Variants in SERPINI2 observed in about 807,000 individuals in gnomAD.
The protein encoded by SERPINI2 is serpin family I member 2.
In SERPINI2, 48 loss-of-function variants were observed where a neutral mutation model predicts 47.3. The ratio of observed to expected loss-of-function variants is 1.02; its 90% CI spans 0.81 to 1.29. SERPINI2 has a LOEUF of 1.29. SERPINI2 is among the 50% of genes most tolerant of loss of function. SERPINI2 has a pLI of 0.00. For synonymous variants in SERPINI2, 135 were observed against 149.3 expected (o/e 0.90, Z 0.70); for missense variants, 448 against 456.9 (o/e 0.98, Z 0.18).
At chr3:167,448,831 T>A (rs149869399) in intron 7 of SERPINI2, among the ~76,000 whole-genome samples, 1 of 152,192 alleles carries the variant, frequency 6.6e-6, no homozygotes, top group Non-Finnish European at 1.5e-5. Context: ...TGACTGGGCA[T>A]AGGAGTTTTT....
intron 8 of SERPINI2, among the ~76,000 whole-genome samples, chr3:167,443,374 T>A (rs987558905): frequency 6.6e-6 from 1 of 152,250 alleles, no homozygotes; most frequent in African/African-American, 2.4e-5. Flanking sequence ...CCCAAAGTGC[T>A]GGGATTACAG....
At chr3:167,474,202 T>C (rs1750426864), upstream of SERPINI2, 1 of 798,482 alleles carries the variant, frequency 1.3e-6, no homozygotes, top group Non-Finnish European at 1.5e-6. Flanking sequence ...GATCAACTGA[T>C]GAAATGTGCA....
intron 5 of SERPINI2, among the ~76,000 whole-genome samples, chr3:167,458,931 T>A (rs1749895490): frequency 6.6e-6 from 1 of 152,198 alleles, no homozygotes. Context: ...GTTACTTGTT[T>A]ATTTACCTTA....
chr3:167,443,386 C>T (rs1436262828), intron 8 of SERPINI2, among the ~76,000 whole-genome samples: 3 of 152,202 alleles, frequency 2.0e-5, no homozygotes, highest in East Asian at 1.9e-4. Context: ...GGATTACAGG[C>T]GTGAGCCACC....
chr3:167,459,162 C>A (rs1008923204), intron 5 of SERPINI2, among the ~76,000 whole-genome samples: 1 of 151,050 alleles, frequency 6.6e-6, no homozygotes, highest in South Asian at 2.1e-4. Context: ...GCAAGCTCCG[C>A]CTCCCGGGTT....
chr3:167,471,481 C>T, intron 2 of SERPINI2, 107 bp downstream of exon 2: 1 of 1,109,262 alleles, frequency 9.0e-7, no homozygotes, highest in Non-Finnish European at 1.2e-6. Flanking sequence ...TTGTACTTTT[C>T]ATTACATTTT....
At chr3:167,461,035 T>C (rs779465562) in intron 5 of SERPINI2, among the ~76,000 whole-genome samples, 3 of 152,172 alleles carry the variant, frequency 2.0e-5, no homozygotes, top group Non-Finnish European at 4.4e-5. Flanking sequence ...TGAAGTGTTC[T>C]AGAAATATAG....
At chr3:167,476,386 A>T (rs969536771), upstream of SERPINI2, among the ~76,000 whole-genome samples, 12 of 151,938 alleles carry the variant, frequency 7.9e-5, no homozygotes, top group African/African-American at 2.9e-4. Flanking sequence ...AGTTACCTTG[A>T]AAGTCTCATA....
At chr3:167,473,687 C>T in intron 1 of SERPINI2, 1 of 990,212 alleles carries the variant, frequency 1.0e-6, no homozygotes, top group Non-Finnish European at 1.4e-6. Flanking sequence ...TTTCTAAGCA[C>T]TTAATAAATT....
intron 2 of SERPINI2, among the ~76,000 whole-genome samples, chr3:167,467,722 T>C (rs1577177860): frequency 6.6e-6 from 1 of 152,270 alleles, no homozygotes; most frequent in African/African-American, 2.4e-5. Flanking sequence ...AATATTACTT[T>C]TATTTCAGCT....
intron 7 of SERPINI2, among the ~76,000 whole-genome samples, chr3:167,448,519 T>C (rs546932738): frequency 2.6e-5 from 4 of 151,190 alleles, no homozygotes; most frequent in African/African-American, 9.7e-5. Context: ...GAGTTTTGTT[T>C]TGTTTTGTTT....
chr3:167,454,171 A>T (rs1431879167), intron 5 of SERPINI2, among the ~76,000 whole-genome samples: 1 of 152,228 alleles, frequency 6.6e-6, no homozygotes, highest in African/African-American at 2.4e-5. Context: ...GCTAGAAATT[A>T]GGTGGGGCAA....
chr3:167,467,157 C>A (rs1246923394), exon 3 of SERPINI2: 3 of 1,613,294 alleles, frequency 1.9e-6, no homozygotes, highest in Non-Finnish European at 2.5e-6. Flanking sequence ...TCCTTGTTGC[C>A]ATGGAGATAC....
At chr3:167,462,448 T>A (rs1420028034) in intron 5 of SERPINI2, among the ~76,000 whole-genome samples, 2 of 152,206 alleles carry the variant, frequency 1.3e-5, no homozygotes, top group Non-Finnish European at 2.9e-5. Context: ...GCCATTTTTT[T>A]CCCTGTGTCT....
intron 6 of SERPINI2, among the ~76,000 whole-genome samples, chr3:167,450,271 G>A (rs895847214): frequency 1.3e-5 from 2 of 152,222 alleles, no homozygotes; most frequent in African/African-American, 4.8e-5. Context: ...ATAAGATCGT[G>A]CTTTACAACG....
intron 5 of SERPINI2, among the ~76,000 whole-genome samples, chr3:167,459,931 CA>C (rs1749939438): frequency 6.6e-6 from 1 of 151,982 alleles, no homozygotes; most frequent in Admixed American, 6.6e-5. Flanking sequence ...GGCTACATGA[CA>C]ACAGAAGAAA....
intron 5 of SERPINI2, among the ~76,000 whole-genome samples, chr3:167,457,758 T>C (rs758517439): frequency 1.3e-5 from 2 of 152,242 alleles, no homozygotes; most frequent in Non-Finnish European, 2.9e-5. Context: ...TTCATTTTAA[T>C]ATAACTGCTA....
chr3:167,470,571 T>C (rs923262206), intron 2 of SERPINI2, among the ~76,000 whole-genome samples: 1 of 115,720 alleles, frequency 8.6e-6, no homozygotes, highest in African/African-American at 3.0e-5. Flanking sequence ...TTTTTTTTTT[T>C]TTTTTTTTGG....
intron 7 of SERPINI2, among the ~76,000 whole-genome samples, chr3:167,447,410 G>A (rs570207176): frequency 6.6e-6 from 1 of 152,236 alleles, no homozygotes; most frequent in South Asian, 2.1e-4. Flanking sequence ...TGAATACTTG[G>A]ACTTTTTTTG....
Sources: gnomAD v4.1 joint callset for allele counts (sites outside exome capture counted in the v4.1 genomes callset) on GRCh38, gnomAD v4.1.1 for gene constraint, MANE v1.5 for transcripts, NCBI Gene and HGNC (gene_info 2026-07-23, HGNC 2026-07-21) for gene names.